IMMP2L: variants seen among roughly 807,000 people sequenced by gnomAD.
IMMP2L encodes the protein mitochondrial inner membrane protease subunit 2.
A neutral mutation model predicts 19.3 loss-of-function variants in IMMP2L; 18 were observed. That is an observed-to-expected ratio of 0.93 (90% CI 0.64 to 1.38). IMMP2L has a LOEUF of 1.38. Among genes scored for constraint, IMMP2L ranks in the 40% most tolerant of loss-of-function variants. The pLI is 0.00. For synonymous variants in IMMP2L, 76 were observed against 73.0 expected (o/e 1.04, Z -0.21); for missense variants, 233 against 218.2 (o/e 1.07, Z -0.43).
intron 3 of IMMP2L, among the ~76,000 whole-genome samples, chr7:111,400,257 T>C (rs1833293666): frequency 6.6e-6 from 1 of 152,152 alleles, no homozygotes; most frequent in Non-Finnish European, 1.5e-5. Flanking sequence ...AGTACAAGAC[T>C]ACAAGACTTT....
chr7:111,232,486 G>T (rs1813823195), intron 3 of IMMP2L, among the ~76,000 whole-genome samples: 2 of 151,522 alleles, frequency 1.3e-5, no homozygotes, highest in African/African-American at 4.9e-5. Context: ...GACTGCAAAG[G>T]CCAGTCCTGA....
intron 5 of IMMP2L, among the ~76,000 whole-genome samples, chr7:110,825,833 G>C (rs370937145): frequency 6.6e-6 from 1 of 151,784 alleles, no homozygotes; most frequent in South Asian, 2.1e-4. Context: ...CAAAATTGAC[G>C]AATGGGATCT....
At chr7:111,125,296 A>T in intron 3 of IMMP2L, 1 of 173,020 alleles carries the variant, frequency 5.8e-6, no homozygotes, top group Non-Finnish European at 1.4e-5. Context: ...CAGTGACCAG[A>T]TAAACTTGAA....
At chr7:111,109,518 C>T (rs967928923) in intron 3 of IMMP2L, among the ~76,000 whole-genome samples, 4 of 151,942 alleles carry the variant, frequency 2.6e-5, no homozygotes, top group Admixed American at 6.6e-5. Flanking sequence ...TATATATCTG[C>T]GACACAAAGC....
At chr7:111,313,226 A>G (rs1413081859) in intron 3 of IMMP2L, among the ~76,000 whole-genome samples, 3 of 152,120 alleles carry the variant, frequency 2.0e-5, no homozygotes, top group Non-Finnish European at 2.9e-5. Flanking sequence ...ATGCTGAAGT[A>G]CACCATCCAA....
chr7:111,071,351 A>G (rs1362813181), intron 3 of IMMP2L, among the ~76,000 whole-genome samples: 2 of 152,142 alleles, frequency 1.3e-5, no homozygotes, highest in East Asian at 1.9e-4. Context: ...AGGTAAACAT[A>G]GGATTACCAT....
intron 3 of IMMP2L, among the ~76,000 whole-genome samples, chr7:111,415,002 A>T (rs1034017701): frequency 1.3e-5 from 2 of 151,772 alleles, no homozygotes; most frequent in African/African-American, 2.4e-5. Flanking sequence ...ACATTATATG[A>T]CAAGCATGAA....
rs956823158 is a variant in IMMP2L, at chr7:110,815,778, T to C, written c.408+70815A>G. Among the ~76,000 whole-genome samples, 20 of 152,172 alleles carry C rather than the reference T, an allele frequency of 1.3e-4. No homozygotes were observed. In the South Asian group the frequency reaches 2.3e-3, roughly 17 times the overall value. On this transcript the variant is annotated intron_variant, in intron 5 of 5. Coordinates refer to ENST00000405709, the MANE Select transcript of IMMP2L (RefSeq NM_032549.4). ...TAGAAGTGTTTGTATTATTCTCTGA[T>C]GGTAGTTCGTATTTCTGTGGGATCG...
intron 4 of IMMP2L, chr7:110,962,581 A>G (rs2129555463): frequency 3.2e-5 from 8 of 249,012 alleles, no homozygotes; most frequent in Non-Finnish European, 4.5e-5. Flanking sequence ...CAAGAGAATG[A>G]GAGTGAAAAA....
intron 3 of IMMP2L, among the ~76,000 whole-genome samples, chr7:111,060,170 G>A (rs1265910281): frequency 6.6e-6 from 1 of 152,114 alleles, no homozygotes; most frequent in African/African-American, 2.4e-5. Context: ...CTATCAAGAT[G>A]GGTATGACCT....
intron 3 of IMMP2L, among the ~76,000 whole-genome samples, chr7:111,430,262 C>T (rs1251003474): frequency 6.6e-6 from 1 of 151,712 alleles, no homozygotes; most frequent in Non-Finnish European, 1.5e-5. Flanking sequence ...TTCACAATTT[C>T]TACAATATGC....
intron 3 of IMMP2L, among the ~76,000 whole-genome samples, chr7:111,242,253 T>G (rs1815165583): frequency 1.3e-5 from 2 of 152,082 alleles, no homozygotes; most frequent in South Asian, 4.1e-4. Flanking sequence ...AATCAGTCCC[T>G]TTTAGACGCC....
chr7:111,371,079 G>A (rs1430383125), intron 3 of IMMP2L, among the ~76,000 whole-genome samples: 2 of 151,880 alleles, frequency 1.3e-5, no homozygotes, highest in African/African-American at 2.4e-5. Flanking sequence ...AGTATGCCAG[G>A]TGATGGAGGG....
At chr7:111,185,113 G>A (rs1808123327) in intron 3 of IMMP2L, among the ~76,000 whole-genome samples, 1 of 152,158 alleles carries the variant, frequency 6.6e-6, no homozygotes, top group Admixed American at 6.5e-5. Context: ...CCACTAGAAG[G>A]AGAAGCTTTG....
At chr7:111,461,498 T>C (rs1470083087) in intron 3 of IMMP2L, among the ~76,000 whole-genome samples, 2 of 152,092 alleles carry the variant, frequency 1.3e-5, no homozygotes, top group African/African-American at 2.4e-5. Context: ...CCTAAAGAGT[T>C]GTAATCATTT....
At chr7:111,434,568 C>G (rs976538386) in intron 3 of IMMP2L, among the ~76,000 whole-genome samples, 1 of 151,300 alleles carries the variant, frequency 6.6e-6, no homozygotes, top group African/African-American at 2.4e-5. Flanking sequence ...GTTTTTGAGA[C>G]AGACTCTCAC....
intron 3 of IMMP2L, among the ~76,000 whole-genome samples, chr7:111,279,670 G>A (rs939754416): frequency 1.3e-5 from 2 of 152,102 alleles, no homozygotes; most frequent in African/African-American, 4.8e-5. Flanking sequence ...TCTGAACTCA[G>A]GAAGTCGGGT....
chr7:110,706,555 G>C (rs1052212099), intron 5 of IMMP2L, among the ~76,000 whole-genome samples: 2 of 152,030 alleles, frequency 1.3e-5, no homozygotes, highest in Non-Finnish European at 2.9e-5. Context: ...ATTTTGACTG[G>C]TGTGAGATGA....
At chr7:110,935,443 T>G (rs1245304576) in intron 4 of IMMP2L, among the ~76,000 whole-genome samples, 1 of 152,106 alleles carries the variant, frequency 6.6e-6, no homozygotes, top group Non-Finnish European at 1.5e-5. Flanking sequence ...TCTCCTTTTG[T>G]TCAATTTTGG....
Sources: allele counts gnomAD v4.1 joint callset (sites outside exome capture counted in the v4.1 genomes callset), GRCh38; gene constraint gnomAD v4.1.1; transcripts MANE v1.5; gene names NCBI Gene and HGNC (gene_info 2026-07-23, HGNC 2026-07-21).